VILL: variants seen among roughly 807,000 people sequenced by gnomAD.
VILL encodes villin-like protein.
VILL carries 102 observed loss-of-function variants against 106.3 expected under a neutral mutation model. The ratio of observed to expected loss-of-function variants is 0.96; its 90% CI spans 0.82 to 1.13. The LOEUF is 1.13. Among genes scored for constraint, VILL ranks in the 50% most tolerant of loss-of-function variants. VILL has a pLI of 0.00. For synonymous variants in VILL, 431 were observed against 440.3 expected, an observed-to-expected ratio of 0.98 and a Z score of 0.27; for missense variants, 1,076 against 1,116.6, an observed-to-expected ratio of 0.96 and a Z score of 0.52.
Position 38,004,375 on chromosome 3 carries a change from C to G in VILL, c.1926C>G (p.Ile642Met). 6.2e-7 allele frequency: 1 copy of G among 1,610,874 alleles called. No individual in the cohort carries two copies. Among genetic ancestry groups the G allele is most frequent in the Non-Finnish European group, 8.5e-7 (1 of 1,177,208 alleles). The change falls in exon 16 of 20, where the codon ATC (isoleucine) becomes ATG (methionine). Residue 642 changes from isoleucine to methionine, a missense_variant. By Grantham distance (10) the Ile-to-Met change is conservative. Transcript: ENST00000383759. ...FSQEDLDKYDIMLLDTWQEIF... is the reference protein window; with the variant it reads ...FSQEDLDKYDMMLLDTWQEIF... ...AGGAGGACCTGGACAAGTATGACAT[C>G]ATGTTACTGGACACCTGGCAGGAGG...
rs1351233577 is a variant in VILL, at chr3:37,999,361, G to A, written c.1104G>A (p.Leu368=). 7 of 1,515,590 alleles carry A rather than the reference G, an allele frequency of 4.6e-6. No individual in the cohort carries two copies. The Admixed American group carries it at 1.2e-4, about 25-fold the overall frequency. The allele number at this position is 1,515,590 out of a possible 1,614,324, so 93.9% of individuals were successfully genotyped here. A position where few individuals can be genotyped will look rare whatever the true frequency, so the allele number is the denominator to read the frequency against. ...GGRDKSIHVK[L]DVGKLHTQPK... is the part of the protein sequence containing the mutation. ...CAGATAAATCGATTCATGTAAAGCTGGACGTGGGCAAGCTGCACACCCAGC... is the reference window on the plus strand; with the variant it reads ...CAGATAAATCGATTCATGTAAAGCTAGACGTGGGCAAGCTGCACACCCAGC... The change falls in exon 11 of 20, where the codon CTG becomes CTA. Residue 368 remains leucine (L), a synonymous_variant. Coordinates refer to ENST00000383759, the MANE Select transcript of VILL (RefSeq NM_015873.4).
chr3:37,998,020 A>T lies in VILL; in HGVS notation c.765-70A>T. On this transcript the variant is annotated intron_variant, in intron 7 of 19. Coordinates refer to ENST00000383759, the MANE Select transcript of VILL (RefSeq NM_015873.4). The surrounding 1 kb of genome is among the most constrained non-coding windows in gnomAD (Gnocchi z 4.1). The stretch of plus-strand genomic sequence containing the variant: ...CTCTGAGGGACTGGGGTGGGGTCCT[A>T]AATGGGGCTGGAGTGGAGACAGATC... The T allele has an allele frequency of 6.8e-7, 1 of 1,478,022 alleles. No individual in the cohort carries two copies. The highest frequency in any genetic ancestry group is 9.2e-7 in the Non-Finnish European group (1 of 1,087,254). The allele number at this position is 1,478,022 out of a possible 1,614,324, so 91.6% of individuals were successfully genotyped here.
rs1699750756 is a variant in VILL, at chr3:37,998,572, AAAAGGGG to A, written c.942+209_942+215del. 6.6e-6 allele frequency among the ~76,000 whole-genome samples: 1 copy of A among 152,158 alleles called. No individual in the cohort carries two copies. Among genetic ancestry groups the A allele is most frequent in the Non-Finnish European group, 1.5e-5 (1 of 68,028 alleles). On this transcript the variant is annotated intron_variant, in intron 9 of 19. Transcript: ENST00000383759. This position sits in a 1 kb window ranked among gnomAD's most constrained non-coding sequence, Gnocchi z 4.1. ...AGGTGGCCTCTGAGAAACCATGTGT[AAAAGGGG>A]CACGTGGCCCTGCCTTCAGGTCTGG...
chr3:38,001,648 G>A (rs1341892397), intron 12 of VILL, 54 bp from the exon 13 acceptor site: 2 of 1,613,414 alleles, frequency 1.2e-6, no homozygotes, highest in South Asian at 1.1e-5. Context: ...GCTGGGCTCT[G>A]GGAGTGAAAT....
chr3:38,001,911 C>A (rs747899756), intron 13 of VILL, 51 bp downstream of exon 13: 1 of 1,612,412 alleles, frequency 6.2e-7, no homozygotes, highest in Admixed American at 1.7e-5. Flanking sequence ...TCTGCATGGG[C>A]CATGGCCCCC....
rs576887975 is a variant in VILL at position 37,993,568 on chromosome 3, G to A, written c.-86-19G>A. On this transcript the variant is annotated intron_variant, in intron 1 of 19. Coordinates refer to ENST00000383759, the MANE Select transcript of VILL (RefSeq NM_015873.4). ...TGTTTACAGAGCCCTCCTAATAAAA[G>A]TCATGTTCTATAATGAAGTTGTACA... is the stretch of plus-strand genomic sequence containing the variant. 9.6e-7 allele frequency: 1 copy of A among 1,042,582 alleles called. No homozygotes were observed. The highest frequency in any genetic ancestry group is 1.4e-6 in the Non-Finnish European group (1 of 701,704). The allele number at this position is 1,042,582 out of a possible 1,614,324, so 64.6% of individuals were successfully genotyped here.
Position 37,997,245 on chromosome 3 carries a change from A to G in VILL, c.561+58A>G, listed in dbSNP as rs1032191260. ...GGGCTTGGGCGGGGAATGATCCTCC[A>G]GTTGACCATCCTCCGGCCACCCAAA... On this transcript the variant is annotated intron_variant, in intron 6 of 19. Transcript: ENST00000383759. This position sits in a 1 kb window ranked among gnomAD's most constrained non-coding sequence, Gnocchi z 4.7. 7.7e-6 allele frequency: 12 copies of G among 1,553,094 alleles called. 1 individual carries two copies. The highest frequency in any genetic ancestry group is 1.1e-5 in the Non-Finnish European group (12 of 1,126,874).
chr3:38,001,830 C>CATCTTCCAGGGCCAGCTGGTG lies in VILL; in HGVS notation c.1460_1479+1dup, dbSNP rs747122068. ...GCAGCGAGCCCCCCCACTTCCTCGC[C>CATCTTCCAGGGCCAGCTGGTG]ATCTTCCAGGGCCAGCTGGTGATCT... On this transcript the variant is annotated inframe_insertion, in exon 13 of 20. Coordinates refer to ENST00000383759, the MANE Select transcript of VILL (RefSeq NM_015873.4). 22 of 1,614,272 alleles carry CATCTTCCAGGGCCAGCTGGTG rather than the reference C, an allele frequency of 1.4e-5. No individual in the cohort carries two copies. In the Middle Eastern group the frequency reaches 4.9e-4, roughly 36 times the overall value.
At position 38,002,579 on chromosome 3, in the gene VILL, C is replaced by T. The variant is rs772069541; in HGVS notation, c.1659+4C>T. 3 of 1,611,356 alleles carry T rather than the reference C, an allele frequency of 1.9e-6. No homozygotes were observed. Among genetic ancestry groups the T allele is most frequent in the Non-Finnish European group, 2.5e-6 (3 of 1,178,428 alleles). On this transcript the variant is annotated splice_donor_region_variant and intron_variant, in intron 14 of 19. Transcript: ENST00000383759. ...CTGCTACCTCTGGTTTGGGAAGGTA[C>T]CCACAGCACTGACCACTTGATTCAT...
Position 37,999,056 on chromosome 3 carries a change from CG to C in VILL, c.1081+9del. 2 of 388,620 alleles carry C rather than the reference CG, an allele frequency of 5.1e-6. No individual in the cohort carries two copies. Among genetic ancestry groups the C allele is most frequent in the Non-Finnish European group, 4.1e-6 (1 of 244,762 alleles). The allele number at this position is 388,620 out of a possible 1,614,324, so 24.1% of individuals were successfully genotyped here. On this transcript the variant is annotated splice_region_variant and intron_variant, in intron 10 of 19. Transcript: ENST00000383759. ...CCAGAAGCTCGGCGGGAGGGGTGAGCGGGCGGGGCGGGGCTGACGGGGGCGG... is the reference window on the plus strand; with the variant it reads ...CCAGAAGCTCGGCGGGAGGGGTGAGCGGCGGGGCGGGGCTGACGGGGGCGG...
At chr3:37,991,806 GT>G (rs1325069970) in intron 1 of VILL, among the ~76,000 whole-genome samples, 4 of 151,904 alleles carry the variant, frequency 2.6e-5, no homozygotes, top group Admixed American at 2.0e-4. Context: ...ACTGTGGGGG[GT>G]TCCCCTGAGG....
At chr3:37,995,893 C>A in intron 5 of VILL, 46 bp downstream of exon 5, 1 of 1,506,756 alleles carries the variant, frequency 6.6e-7, no homozygotes, top group Non-Finnish European at 9.2e-7. Flanking sequence ...TCGGCTCAGA[C>A]TGGGTGTACT....
Position 37,997,611 on chromosome 3 carries a change from G to T in VILL, c.690G>T (p.Arg230Ser). 4.3e-6 allele frequency: 7 copies of T among 1,613,746 alleles called. No individual in the cohort carries two copies. The highest frequency in any genetic ancestry group is 5.9e-6 in the Non-Finnish European group (7 of 1,180,016). The change falls in exon 7 of 20, where the codon AGG (arginine) becomes AGT (serine). Residue 230 changes from arginine (R) to serine (S), a missense_variant. Transcript: ENST00000383759. The surrounding 1 kb of genome is among the most constrained non-coding windows in gnomAD (Gnocchi z 4.7). ...TCATGGAGGCTGTGCTGGGCCGCAG[G>T]GTGGGCAGCCTGCGTGCCGCCACGC... ...MQIMEAVLGRRVGSLRAATPS... is the reference protein window; with the variant it reads ...MQIMEAVLGRSVGSLRAATPS...
chr3:38,003,052 T>C (rs1699848421), intron 14 of VILL, 116 bp from the exon 15 acceptor site: 2 of 1,327,692 alleles, frequency 1.5e-6, no homozygotes, highest in Admixed American at 5.2e-5. Flanking sequence ...TGCTGTCAGC[T>C]TAGGCCTCCT....
At chr3:37,989,193 G>A (rs1699582176), upstream of VILL, among the ~76,000 whole-genome samples, 1 of 152,176 alleles carries the variant, frequency 6.6e-6, no homozygotes, top group Admixed American at 6.5e-5. Flanking sequence ...AGCACCCTCT[G>A]GATGTTCACA....
Position 38,006,540 on chromosome 3 carries a change from C to G in VILL, c.2297C>G (p.Ser766Ter), listed in dbSNP as rs1699929850. 1 of 1,614,142 alleles carries G rather than the reference C, an allele frequency of 6.2e-7. No homozygotes were observed. Among genetic ancestry groups the G allele is most frequent in the East Asian group, 2.2e-5 (1 of 44,888 alleles). The change falls in exon 19 of 20, where the codon TCA (serine) becomes TGA (stop). Residue 766 changes from serine to a stop codon, truncating the protein, a stop_gained. Transcript: ENST00000383759. LOFTEE classifies it high-confidence loss of function. The part of the protein sequence containing the change: ...LQALKGSQDS[S>*]ENDLVRSPKS... ...GCCCTCAAGGGCTCCCAGGACAGCT[C>G]AGAGAATGATCTGGTGCGAAGCCCC...
chr3:37,993,256 C>T (rs1425311055), intron 1 of VILL: 2 of 181,372 alleles, frequency 1.1e-5, no homozygotes, highest in East Asian at 1.6e-4. Context: ...ATTTGCAGAG[C>T]CTGTGGCTGT....
intron 10 of VILL, 44 bp from the exon 11 acceptor site, chr3:37,999,295 G>T (rs372255809): frequency 4.9e-5 from 70 of 1,433,480 alleles, no homozygotes; most frequent in East Asian, 2.0e-4. Context: ...ATGGTGTTGG[G>T]GGGGGGCAGA....
At position 37,994,379 on chromosome 3, in the gene VILL, A is replaced by C; in HGVS notation, c.254A>C (p.Asp85Ala). 6.2e-7 allele frequency: 1 copy of C among 1,612,418 alleles called. No homozygotes were observed. The highest frequency in any genetic ancestry group is 8.5e-7 in the Non-Finnish European group (1 of 1,179,782). The stretch of plus-strand genomic sequence containing the variant: ...GAGGCCTTCCAGCAGCGCCTACAGG[A>C]CGAGCTGGGGGGCCAGACCGTGCTG... Reference protein sequence around the residue: ...AAEAFQQRLQDELGGQTVLHR... With the variant: ...AAEAFQQRLQAELGGQTVLHR... Residue 85 changes from aspartate to alanine, a missense_variant, in exon 4 of 20, where the codon GAC (aspartate) becomes GCC (alanine). Physicochemically the swap from Asp to Ala is moderately radical, Grantham distance 126 (BLOSUM62 -2). Coordinates refer to ENST00000383759, the MANE Select transcript of VILL (RefSeq NM_015873.4).
Sources: allele counts gnomAD v4.1 joint callset (sites outside exome capture counted in the v4.1 genomes callset), GRCh38; gene constraint gnomAD v4.1.1; non-coding constraint Gnocchi (gnomAD v3.1); transcripts MANE v1.5; gene names NCBI Gene and HGNC (gene_info 2026-07-23, HGNC 2026-07-21).